ABCC12: variants seen among roughly 807,000 people sequenced by gnomAD.
The protein encoded by ABCC12 is ATP binding cassette subfamily C member 12, also known as ATP-binding cassette sub-family C member 12.
A neutral mutation model predicts 151.1 loss-of-function variants in ABCC12; 142 were observed. That is an observed-to-expected ratio of 0.94 (90% CI 0.82 to 1.08). The LOEUF (loss-of-function observed/expected upper bound fraction) is 1.08. Ranked by LOEUF, ABCC12 falls within the 50% of genes least tolerant of loss-of-function variation. The pLI, the probability that ABCC12 is intolerant of heterozygous loss-of-function variation, is 0.00. For synonymous variants in ABCC12, 645 were observed against 646.4 expected (o/e 1.00, Z 0.03); for missense variants, 1,638 against 1,691.1 (o/e 0.97, Z 0.55).
intron 2 of ABCC12, among the ~76,000 whole-genome samples, chr16:48,147,919 T>A (rs1490106142): frequency 6.6e-6 from 1 of 152,102 alleles, no homozygotes; most frequent in East Asian, 1.9e-4. Flanking sequence ...AGCTCTTTAA[T>A]CATTGTTAAT....
intron 18 of ABCC12, among the ~76,000 whole-genome samples, chr16:48,109,102 A>G (rs1432960148): frequency 6.6e-6 from 1 of 152,164 alleles, no homozygotes; most frequent in African/African-American, 2.4e-5. Context: ...GGCATCTCCC[A>G]GAAAGAGCCC....
chr16:48,122,246 C>T (rs765598319), intron 12 of ABCC12, among the ~76,000 whole-genome samples: 4 of 152,196 alleles, frequency 2.6e-5, no homozygotes, highest in Non-Finnish European at 5.9e-5. Context: ...GAGCAGGGCA[C>T]CACCTGCACG....
intron 13 of ABCC12, 55 bp from the exon 14 acceptor site, chr16:48,117,388 C>T (rs1963920734): frequency 1.9e-6 from 3 of 1,581,238 alleles, no homozygotes; most frequent in African/African-American, 2.7e-5. Context: ...AGCACTGCTG[C>T]CCTGGGCTGC....
Position 48,143,992 on chromosome 16 carries a change from C to T in ABCC12, c.193G>A (p.Val65Met), listed in dbSNP as rs566052180. ...ATFSWLTPVM[V>M]KGYRQRLTVD... ...GTCAGCCTTTGCCGGTAGCCTTTCA[C>T]CATCACCGGCGTGAGCCAGGAAAAT... Residue 65 changes from valine to methionine, a missense_variant, in exon 4 of 31, where the codon GTG becomes ATG. Transcript: ENST00000311303. 6 of 1,614,214 alleles carry T rather than the reference C, an allele frequency of 3.7e-6. No individual in the cohort carries two copies. Among genetic ancestry groups the T allele is most frequent in the Middle Eastern group, 3.3e-4 (2 of 6,062 alleles).
rs565425894 is a variant in ABCC12, at chr16:48,136,573, T to C, written c.979+1655A>G. On this transcript the variant is annotated intron_variant, in intron 8 of 30. Transcript: ENST00000311303. ...CTCGGCCCTCTTCCAGTGGGATAGA[T>C]AGACAAGAAAGAAATAAACAATTAA... 1.2e-3 allele frequency among the ~76,000 whole-genome samples: 180 copies of C among 152,254 alleles called. 5 individuals carry two copies. In the South Asian group the frequency reaches 0.036, roughly 30 times the overall value.
At chr16:48,135,605 C>T (rs961864523) in intron 8 of ABCC12, among the ~76,000 whole-genome samples, 1 of 151,862 alleles carries the variant, frequency 6.6e-6, no homozygotes, top group Non-Finnish European at 1.5e-5. Flanking sequence ...AGGCTAGTCT[C>T]GAATATTTAG....
At position 48,105,350 on chromosome 16, in the gene ABCC12, C is replaced by G. The variant is rs950608005; in HGVS notation, c.2476-14G>C. 1 of 1,590,210 alleles carries G rather than the reference C, an allele frequency of 6.3e-7. No homozygotes were observed. Among genetic ancestry groups the G allele is most frequent in the Non-Finnish European group, 8.6e-7 (1 of 1,168,896 alleles). On this transcript the variant is annotated splice_polypyrimidine_tract_variant and intron_variant, in intron 20 of 30. Coordinates refer to ENST00000311303, the MANE Select transcript of ABCC12 (RefSeq NM_001393797.1). ...CCCACAGGTCATCTTTGGAGAAAAA[C>G]AAGAGAAGCACCAAGAATTGATAAA...
At position 48,128,605 on chromosome 16, in the gene ABCC12, G is replaced by A; in HGVS notation, c.1369C>T (p.Gln457Ter). ...ASRKSTPKKL[Q>*]NQKRHLCKKQ... ...TTGCATAAATGCCTTTTCTGGTTCTGCAATTTCTTTGGGGTACTTTTCCTG... is the reference window on the plus strand; with the variant it reads ...TTGCATAAATGCCTTTTCTGGTTCTACAATTTCTTTGGGGTACTTTTCCTG... Residue 457 changes from glutamine to a stop codon, truncating the protein, a stop_gained, in exon 11 of 31, where the codon CAG (glutamine) becomes TAG (stop). Coordinates refer to ENST00000311303, the MANE Select transcript of ABCC12 (RefSeq NM_001393797.1). LOFTEE classifies it high-confidence loss of function. 1 of 1,614,196 alleles carries A rather than the reference G, an allele frequency of 6.2e-7. No homozygotes were observed. The highest frequency in any genetic ancestry group is 8.5e-7 in the Non-Finnish European group (1 of 1,180,044).
Position 48,111,642 on chromosome 16 carries a change from A to G in ABCC12, c.2145T>C (p.Asn715=), listed in dbSNP as rs561436946. 2.5e-6 allele frequency: 4 copies of G among 1,614,106 alleles called. No homozygotes were observed. Among genetic ancestry groups the G allele is most frequent in the South Asian group, 2.2e-5 (2 of 91,076 alleles). ...LQFKDPEHLY[N]AAMVEAFKES... is the part of the protein sequence containing the mutation. Reference sequence around the variant, plus strand: ...CCTTGAAGGCTTCCACCATTGCTGCATTGTAAAGGTGTTCAGGATCCTGGA... The same window carrying G: ...CCTTGAAGGCTTCCACCATTGCTGCGTTGTAAAGGTGTTCAGGATCCTGGA... The change falls in exon 17 of 31, where the codon AAT becomes AAC. Residue 715 remains asparagine, a synonymous_variant. Transcript: ENST00000311303.
intron 24 of ABCC12, 31 bp downstream of exon 24, chr16:48,096,715 A>G: frequency 6.2e-7 from 1 of 1,612,658 alleles, no homozygotes; most frequent in Non-Finnish European, 8.5e-7. Context: ...CGGAGCCTCC[A>G]GACTAAGCCC....
intron 2 of ABCC12, among the ~76,000 whole-genome samples, chr16:48,148,104 C>T (rs914729030): frequency 4.6e-5 from 7 of 152,042 alleles, no homozygotes; most frequent in African/African-American, 1.4e-4. Context: ...CACGCCACTG[C>T]GTCTGGCTAA....
rs1302864542 is a variant in ABCC12 at position 48,107,260 on chromosome 16, G to C, written c.2475+62C>G. ...GGTGGCAGGGGCAGTCAGATGCTCT[G>C]GCAGCAGAGTTTTACTCCAAGACAC... On this transcript the variant is annotated intron_variant, in intron 20 of 30. Transcript: ENST00000311303. 5 of 1,498,948 alleles carry C rather than the reference G, an allele frequency of 3.3e-6. No homozygotes were observed. The East Asian group carries it at 1.1e-4, about 34-fold the overall frequency. The allele number at this position is 1,498,948 out of a possible 1,614,324, so 92.9% of individuals were successfully genotyped here.
chr16:48,086,686 T>A, intron 28 of ABCC12, 55 bp downstream of exon 28: 1 of 1,489,970 alleles, frequency 6.7e-7, no homozygotes, highest in Non-Finnish European at 9.4e-7. Context: ...AGGCCAGGAA[T>A]CTAGGGCAGT....
chr16:48,107,295 A>G, intron 20 of ABCC12, 27 bp downstream of exon 20: 1 of 1,604,180 alleles, frequency 6.2e-7, no homozygotes, highest in Non-Finnish European at 8.5e-7. Flanking sequence ...CAGACTCGGC[A>G]TCTTCCAATG....
chr16:48,109,821 T>C (rs1174118663), intron 18 of ABCC12, among the ~76,000 whole-genome samples: 1 of 152,242 alleles, frequency 6.6e-6, no homozygotes, highest in Non-Finnish European at 1.5e-5. Flanking sequence ...GTGCCGCTGA[T>C]GCTCTGTTTG....
chr16:48,123,068 T>G (rs1357233113), intron 12 of ABCC12, among the ~76,000 whole-genome samples: 1 of 152,228 alleles, frequency 6.6e-6, no homozygotes, highest in Non-Finnish European at 1.5e-5. Context: ...CACCACTGTC[T>G]CATGGGAGAT....
chr16:48,085,548 G>C (rs1007056199), intron 29 of ABCC12, 45 bp downstream of exon 29: 1 of 1,565,784 alleles, frequency 6.4e-7, no homozygotes. Context: ...TGGCGCTGCG[G>C]GAAATATCCA....
intron 10 of ABCC12, among the ~76,000 whole-genome samples, chr16:48,129,579 C>T (rs984611276): frequency 1.3e-5 from 2 of 152,010 alleles, no homozygotes; most frequent in African/African-American, 4.8e-5. Context: ...AGCTGGAGAG[C>T]CTGGAGGGGA....
At chr16:48,101,644 A>C (rs186980390) in intron 22 of ABCC12, among the ~76,000 whole-genome samples, 27 of 151,916 alleles carry the variant, frequency 1.8e-4, no homozygotes, top group Admixed American at 4.6e-4. Flanking sequence ...CAGGGCAGTG[A>C]GGAGGGAAGT....
Sources: allele counts gnomAD v4.1 joint callset (sites outside exome capture counted in the v4.1 genomes callset), GRCh38; gene constraint gnomAD v4.1.1; transcripts MANE v1.5; gene names NCBI Gene and HGNC (gene_info 2026-07-23, HGNC 2026-07-21).